The following NAP1L1 variants were observed in gnomAD, a reference collection of about 807,000 sequenced individuals.
NAP1L1 encodes nucleosome assembly protein 1-like 1.
A neutral mutation model predicts 58.9 loss-of-function variants in NAP1L1; 9 were observed. That is an observed-to-expected ratio of 0.15 (90% CI 0.09 to 0.27). The LOEUF is 0.27. NAP1L1 is among the 10% of genes least tolerant of loss of function. The probability of loss-of-function intolerance (pLI) is 1.00; values close to 1 mark genes in which losing one functional copy is unlikely to be tolerated. For missense variants in NAP1L1, 302 were observed against 458.8 expected, an observed-to-expected ratio of 0.66 and a Z score of 3.12; for synonymous variants, 130 against 138.3, an observed-to-expected ratio of 0.94 and a Z score of 0.42.
chr12:76,071,150 C>A (rs1288836442), intron 2 of NAP1L1, among the ~76,000 whole-genome samples: 1 of 152,142 alleles, frequency 6.6e-6, no homozygotes, highest in Non-Finnish European at 1.5e-5. Context: ...GGATGCTGAA[C>A]CCACAGACAC....
chr12:76,060,120 A>C lies in NAP1L1; in HGVS notation c.348+18T>G. The C allele has an allele frequency of 6.3e-7, 1 of 1,596,026 alleles. No individual in the cohort carries two copies. The highest frequency in any genetic ancestry group is 1.1e-5 in the South Asian group (1 of 90,276). On this transcript the variant is annotated intron_variant, in intron 5 of 14. Transcript: ENST00000618691. ...TCTTCTAGAATGTTAAATTAAACAA[A>C]GTAGGAGAAAGCATTACCTTATCAA...
At chr12:76,072,740 C>A (rs1360637012) in intron 2 of NAP1L1, among the ~76,000 whole-genome samples, 2 of 152,120 alleles carry the variant, frequency 1.3e-5, no homozygotes, top group Non-Finnish European at 2.9e-5. Context: ...AACTTCAACA[C>A]AGCAACACTG....
chr12:76,056,398 T>TA (rs58993925), intron 6 of NAP1L1: 8,635 of 380,502 alleles, frequency 0.023, 391 homozygotes, highest in African/African-American at 0.14. Context: ...ACCATTTTAG[T>TA]AAAAAAAAAA....
chr12:76,053,619 A>C, intron 9 of NAP1L1, 151 bp downstream of exon 9: 2 of 995,860 alleles, frequency 2.0e-6, no homozygotes. Flanking sequence ...GGAGAATTAC[A>C]GGAAACTTGA....
At chr12:76,055,203 T>C (rs1185254226) in intron 7 of NAP1L1, 113 bp from the exon 8 acceptor site, 3 of 659,964 alleles carry the variant, frequency 4.5e-6, no homozygotes, top group Non-Finnish European at 7.2e-6. Flanking sequence ...TAGTTTTGTA[T>C]AGCAATTATG....
At chr12:76,052,452 A>C (rs1948887815) in intron 11 of NAP1L1, among the ~76,000 whole-genome samples, 1 of 152,228 alleles carries the variant, frequency 6.6e-6, no homozygotes, top group Non-Finnish European at 1.5e-5. Context: ...ATTTGTTCTA[A>C]GTCTTAGCCA....
At chr12:76,061,239 C>T (rs1031533563) in intron 4 of NAP1L1, among the ~76,000 whole-genome samples, 11 of 152,138 alleles carry the variant, frequency 7.2e-5, no homozygotes, top group African/African-American at 2.4e-4. Context: ...AAGTATTAAG[C>T]CCAGTACCCA....
intron 6 of NAP1L1, chr12:76,059,585 A>G: frequency 2.2e-6 from 1 of 464,776 alleles, no homozygotes; most frequent in Non-Finnish European, 3.8e-6. Context: ...GAACCCATGA[A>G]ACCGCTGCTT....
intron 3 of NAP1L1, 47 bp from the exon 4 acceptor site, chr12:76,067,520 T>C (rs763217789): frequency 7.6e-6 from 11 of 1,453,314 alleles, no homozygotes; most frequent in East Asian, 2.3e-5. Flanking sequence ...TGAAAATGTA[T>C]TATGCTTTTT....
intron 2 of NAP1L1, 148 bp from the exon 3 acceptor site, chr12:76,069,142 A>AT: frequency 1.6e-6 from 1 of 626,360 alleles, no homozygotes; most frequent in Non-Finnish European, 2.8e-6. Flanking sequence ...TTCTAACTTC[A>AT]TATGTAAACA....
At chr12:76,066,815 C>G (rs1474583565) in intron 4 of NAP1L1, among the ~76,000 whole-genome samples, 1 of 152,084 alleles carries the variant, frequency 6.6e-6, no homozygotes, top group African/African-American at 2.4e-5. Context: ...AATTCTCACA[C>G]AGTTCCTTTA....
In NAP1L1 at chr12:76,069,056, A is replaced by G. The variant is rs988720313; in HGVS notation, c.18-62T>C. The G allele has an allele frequency of 2.4e-5, 28 of 1,189,026 alleles. No individual in the cohort carries two copies. The South Asian group carries it at 3.3e-4, about 14-fold the overall frequency. 73.7% of individuals were successfully genotyped at this position (1,189,026 alleles called of 1,614,324 possible). The stretch of plus-strand genomic sequence containing the variant: ...ACCAATTACCAAAAAAAGTTACAGA[A>G]AAACTTAAAATTCATTTTCAAAATT... On this transcript the variant is annotated intron_variant, in intron 2 of 14. Transcript: ENST00000618691.
At chr12:76,075,116 G>C (rs1427634644) in intron 1 of NAP1L1, among the ~76,000 whole-genome samples, 4 of 152,106 alleles carry the variant, frequency 2.6e-5, no homozygotes, top group Non-Finnish European at 4.4e-5. Context: ...GTAATCTACA[G>C]ATTACCAAAA....
intron 4 of NAP1L1, among the ~76,000 whole-genome samples, chr12:76,060,659 G>A (rs1949365917): frequency 6.6e-6 from 1 of 152,012 alleles, no homozygotes; most frequent in Non-Finnish European, 1.5e-5. Context: ...AAAAAGGAGG[G>A]GAGCATAGAC....
chr12:76,048,773 A>ATTCC (rs1189607708), intron 14 of NAP1L1, among the ~76,000 whole-genome samples: 2 of 152,152 alleles, frequency 1.3e-5, no homozygotes, highest in African/African-American at 4.8e-5. Flanking sequence ...TAATCCTAAT[A>ATTCC]TAACAAATTC....
Position 76,059,887 on chromosome 12 carries a change from AT to A in NAP1L1, c.349-10del. The A allele has an allele frequency of 6.4e-7, 1 of 1,558,600 alleles. No homozygotes were observed. Among genetic ancestry groups the A allele is most frequent in the Non-Finnish European group, 8.7e-7 (1 of 1,149,502 alleles). On this transcript the variant is annotated splice_polypyrimidine_tract_variant and intron_variant, in intron 5 of 14. Transcript: ENST00000618691. ...TTAATAATTTCAAATCGCTAAAATG[AT>A]TTAAAAAAAAAAGGCTGTATAAAAA...
intron 1 of NAP1L1, among the ~76,000 whole-genome samples, chr12:76,077,321 C>T (rs190055346): frequency 1.1e-3 from 161 of 152,240 alleles, no homozygotes; most frequent in Non-Finnish European, 1.8e-3. Context: ...GTAAGATAGA[C>T]CTAATTTTCT....
chr12:76,059,970 C>A, intron 5 of NAP1L1, 92 bp from the exon 6 acceptor site: 1 of 1,227,064 alleles, frequency 8.1e-7, no homozygotes. Context: ...ACAAATTTAA[C>A]AAATGCATAC....
At chr12:76,051,330 T>TAA (rs60701145) in intron 11 of NAP1L1, among the ~76,000 whole-genome samples, 8,892 of 146,516 alleles carry the variant, frequency 0.061, 302 homozygotes, top group Non-Finnish European at 0.072. Flanking sequence ...AATAGAAAAA[T>TAA]AAAAAAAAAA....
Sources: gnomAD v4.1 joint callset for allele counts (sites outside exome capture counted in the v4.1 genomes callset) on GRCh38, gnomAD v4.1.1 for gene constraint, MANE v1.5 for transcripts, NCBI Gene and HGNC (gene_info 2026-07-23, HGNC 2026-07-21) for gene names.